PDE7A: variants seen among roughly 807,000 people sequenced by gnomAD.
The protein encoded by PDE7A is high affinity 3',5'-cyclic-AMP phosphodiesterase 7A.
In PDE7A, 39 loss-of-function variants were observed where a neutral mutation model predicts 64.3. The ratio of observed to expected loss-of-function variants is 0.61; its 90% CI spans 0.47 to 0.79. The LOEUF is 0.79. Among genes scored for constraint, PDE7A ranks in the 30% least tolerant of loss-of-function variants. The pLI, the probability that PDE7A is intolerant of heterozygous loss-of-function variation, is 0.00. For synonymous variants in PDE7A, 203 were observed against 206.8 expected (o/e 0.98, Z 0.16); for missense variants, 470 against 582.8 (o/e 0.81, Z 1.99).
chr8:65,798,206 A>T (rs7008522), intron 1 of PDE7A, among the ~76,000 whole-genome samples: 26,038 of 73,906 alleles, frequency 0.35, 3,789 homozygotes, highest in Admixed American at 0.43. Flanking sequence ...ATATATATAT[A>T]TTTTTTTTTT....
chr8:65,723,632 A>T lies in PDE7A; in HGVS notation c.1163-11T>A, dbSNP rs1003714472. ...TTTTTTCTATATCTCCTATAAATTAAAAAAAGAGAAGTATTAATATGAAGA... is the reference window on the plus strand; with the variant it reads ...TTTTTTCTATATCTCCTATAAATTATAAAAAGAGAAGTATTAATATGAAGA... On this transcript the variant is annotated splice_polypyrimidine_tract_variant and intron_variant, in intron 11 of 12. Coordinates refer to ENST00000401827, the MANE Select transcript of PDE7A (RefSeq NM_001242318.3). 1.3e-6 allele frequency: 2 copies of T among 1,516,234 alleles called. No individual in the cohort carries two copies. The highest frequency in any genetic ancestry group is 2.9e-5 in the African/African-American group (2 of 69,880). The allele number at this position is 1,516,234 out of a possible 1,614,324, so 93.9% of individuals were successfully genotyped here.
chr8:65,780,041 A>G (rs1261863716), intron 2 of PDE7A, among the ~76,000 whole-genome samples: 1 of 152,044 alleles, frequency 6.6e-6, no homozygotes, highest in Non-Finnish European at 1.5e-5. Context: ...AATTATTATA[A>G]TCTATATTTT....
At chr8:65,830,592 CG>C (rs1810793776) in intron 1 of PDE7A, among the ~76,000 whole-genome samples, 1 of 152,000 alleles carries the variant, frequency 6.6e-6, no homozygotes, top group African/African-American at 2.4e-5. Flanking sequence ...CCACTGAAAA[CG>C]CATTTCTGAC....
intron 3 of PDE7A, among the ~76,000 whole-genome samples, chr8:65,757,039 TCAGC>T (rs1215165532): frequency 6.6e-6 from 1 of 152,170 alleles, no homozygotes; most frequent in Non-Finnish European, 1.5e-5. Flanking sequence ...CTGCAGGTGT[TCAGC>T]TATGTGGAGG....
chr8:65,779,000 T>C (rs1809331265), intron 3 of PDE7A, among the ~76,000 whole-genome samples: 1 of 152,228 alleles, frequency 6.6e-6, no homozygotes, highest in Admixed American at 6.5e-5. Flanking sequence ...CTAATCCACC[T>C]TTCCCAGAAT....
chr8:65,754,145 AG>A (rs1808103524), intron 3 of PDE7A, among the ~76,000 whole-genome samples: 1 of 152,150 alleles, frequency 6.6e-6, no homozygotes, highest in Non-Finnish European at 1.5e-5. Flanking sequence ...GATCCAGCAC[AG>A]GAGAAAGATG....
intron 3 of PDE7A, among the ~76,000 whole-genome samples, chr8:65,763,694 C>T (rs1383174205): frequency 6.6e-6 from 1 of 152,180 alleles, no homozygotes; most frequent in East Asian, 1.9e-4. Flanking sequence ...CATAGCTCCT[C>T]AGTCATTAAA....
intron 1 of PDE7A, among the ~76,000 whole-genome samples, chr8:65,835,516 G>C (rs1810929460): frequency 6.6e-6 from 1 of 152,172 alleles, no homozygotes; most frequent in African/African-American, 2.4e-5. Context: ...CCTTTCTTCA[G>C]CTCTTCTTTT....
chr8:65,773,807 C>G (rs955002187), intron 3 of PDE7A, among the ~76,000 whole-genome samples: 1 of 152,062 alleles, frequency 6.6e-6, no homozygotes, highest in African/African-American at 2.4e-5. Flanking sequence ...CCCTCTCCCA[C>G]TAAAACGTCC....
At chr8:65,835,717 C>T (rs1810935457) in intron 1 of PDE7A, among the ~76,000 whole-genome samples, 1 of 152,192 alleles carries the variant, frequency 6.6e-6, no homozygotes, top group Admixed American at 6.5e-5. Context: ...CTGTGAAGGG[C>T]TTAATATTTT....
intron 3 of PDE7A, chr8:65,771,206 T>C (rs1453760080): frequency 6.0e-6 from 1 of 166,722 alleles, no homozygotes; most frequent in Non-Finnish European, 1.3e-5. Context: ...TGTATCTTCA[T>C]AATATAAACC....
chr8:65,791,308 C>A (rs182579014), intron 1 of PDE7A, among the ~76,000 whole-genome samples: 1 of 152,346 alleles, frequency 6.6e-6, no homozygotes, highest in East Asian at 1.9e-4. Context: ...CAAATCACCA[C>A]TTCTCTGTGC....
At chr8:65,747,604 A>G in intron 4 of PDE7A, 48 bp downstream of exon 4, 1 of 1,265,592 alleles carries the variant, frequency 7.9e-7, no homozygotes, top group Non-Finnish European at 1.1e-6. Flanking sequence ...AAAGGCCTTC[A>G]GTAAACTTAT....
intron 10 of PDE7A, 113 bp downstream of exon 10, chr8:65,724,663 TA>T (rs1806535261): frequency 1.1e-6 from 1 of 901,668 alleles, no homozygotes; most frequent in Non-Finnish European, 1.7e-6. Context: ...GGAAATTCTT[TA>T]GCTTGCCCTC....
chr8:65,728,740 C>T (rs1243020301), intron 7 of PDE7A: 1 of 152,048 alleles, frequency 6.6e-6, no homozygotes, highest in Non-Finnish European at 1.5e-5. Context: ...AGGCAGTATG[C>T]AAAGGGGTTA....
chr8:65,827,694 C>T (rs1231293988), intron 1 of PDE7A, among the ~76,000 whole-genome samples: 1 of 152,054 alleles, frequency 6.6e-6, no homozygotes, highest in African/African-American at 2.4e-5. Flanking sequence ...GCACAAATAC[C>T]ATTGTGTTAC....
At chr8:65,734,005 A>G (rs1807019244) in intron 7 of PDE7A, among the ~76,000 whole-genome samples, 1 of 152,210 alleles carries the variant, frequency 6.6e-6, no homozygotes, top group African/African-American at 2.4e-5. Flanking sequence ...ACCTGCAGAC[A>G]ATGATTCCCA....
At chr8:65,804,130 C>A (rs1469717795) in intron 1 of PDE7A, among the ~76,000 whole-genome samples, 1 of 152,134 alleles carries the variant, frequency 6.6e-6, no homozygotes, top group East Asian at 1.9e-4. Context: ...CTGCATACAC[C>A]AGCACTTTAT....
chr8:65,743,497 C>T (rs887736921), intron 5 of PDE7A, among the ~76,000 whole-genome samples: 1 of 152,204 alleles, frequency 6.6e-6, no homozygotes, highest in African/African-American at 2.4e-5. Flanking sequence ...ACAAACTTCA[C>T]TGTCTTCACA....
Sources: gnomAD v4.1 joint callset for allele counts (sites outside exome capture counted in the v4.1 genomes callset) on GRCh38, gnomAD v4.1.1 for gene constraint, MANE v1.5 for transcripts, NCBI Gene and HGNC (gene_info 2026-07-23, HGNC 2026-07-21) for gene names.